Variants in AJM1 observed in about 807,000 individuals in gnomAD.
The protein encoded by AJM1 is apical junction component 1 homolog.
In AJM1, 22 loss-of-function variants were observed where a neutral mutation model predicts 43.0. The observed-to-expected ratio is 0.51, with a 90% CI of 0.37 to 0.73. AJM1 has a LOEUF of 0.73. AJM1 is among the 30% of genes least tolerant of loss of function. The pLI is 0.00. For missense variants in AJM1, 1,305 were observed against 1,343.3 expected, an observed-to-expected ratio of 0.97 and a Z score of 0.45; for synonymous variants, 719 against 638.3, an observed-to-expected ratio of 1.13 and a Z score of -1.91.
Position 136,845,584 on chromosome 9 carries a change from G to C in AJM1, c.1170G>C (p.Arg390=). 1 of 1,587,340 alleles carries C rather than the reference G, an allele frequency of 6.3e-7. No individual in the cohort carries two copies. Among genetic ancestry groups the C allele is most frequent in the East Asian group, 2.3e-5 (1 of 43,686 alleles). ...GRYRERDVLA[R]TYPHPRSSPA... ...ACCGCGAGCGTGACGTCCTGGCTCG[G>C]ACGTACCCGCACCCGCGCAGCAGCC... Residue 390 remains arginine (R), a synonymous_variant, in exon 3 of 3, where the codon CGG becomes CGC. Coordinates refer to ENST00000436881, the MANE Select transcript of AJM1 (RefSeq NM_001080482.5).
At position 136,847,147 on chromosome 9, in the gene AJM1, C is replaced by T; in HGVS notation, c.2733C>T (p.Val911=). Reference sequence around the variant, plus strand: ...AGCGCGAGCTGCGGCTGCGCGGCGTCTTCCTGCGCCACGAGTTCCCGCGCG... The same window carrying T: ...AGCGCGAGCTGCGGCTGCGCGGCGTTTTCCTGCGCCACGAGTTCCCGCGCG... ...HIQRELRLRG[V]FLRHEFPRVY... is the part of the protein sequence containing the mutation. Residue 911 remains valine, a synonymous_variant, in exon 3 of 3, where the codon GTC becomes GTT. Coordinates refer to ENST00000436881, the MANE Select transcript of AJM1 (RefSeq NM_001080482.5). The T allele has an allele frequency of 1.9e-6, 3 of 1,598,942 alleles. No individual in the cohort carries two copies. Among genetic ancestry groups the T allele is most frequent in the South Asian group, 2.2e-5 (2 of 90,692 alleles).
In AJM1 at chr9:136,842,506, C is replaced by A. The variant is rs973848787; in HGVS notation, c.-227C>A. On this transcript the variant is annotated 5_prime_UTR_variant, in exon 1 of 3. Coordinates refer to ENST00000436881, the MANE Select transcript of AJM1 (RefSeq NM_001080482.5). The stretch of plus-strand genomic sequence containing the variant: ...GCTGCCTGGAAGCTTCTGCCCGTGC[C>A]GGGGACGCAGCAGTGCCGGGGACAC... 6.6e-6 allele frequency among the ~76,000 whole-genome samples: 1 copy of A among 152,224 alleles called. No homozygotes were observed. Among genetic ancestry groups the A allele is most frequent in the Non-Finnish European group, 1.5e-5 (1 of 68,022 alleles).
In AJM1 at chr9:136,846,913, C is replaced by G. The variant is rs778698969; in HGVS notation, c.2499C>G (p.Pro833=). 6.9e-7 allele frequency: 1 copy of G among 1,458,864 alleles called. No homozygotes were observed. Among genetic ancestry groups the G allele is most frequent in the Admixed American group, 2.6e-5 (1 of 38,926 alleles). 90.4% of individuals were successfully genotyped at this position (1,458,864 alleles called of 1,614,324 possible). ...GTAPPGTPAL[P]APAPRSHGPT... is the part of the protein sequence containing the mutation. ...CGCCACCGGGGACACCGGCCCTGCC[C>G]GCGCCCGCGCCACGCAGCCACGGGC... Residue 833 remains proline (P), a synonymous_variant, in exon 3 of 3, where the codon CCC becomes CCG. Coordinates refer to ENST00000436881, the MANE Select transcript of AJM1 (RefSeq NM_001080482.5).
At position 136,847,356 on chromosome 9, in the gene AJM1, C is replaced by A; in HGVS notation, c.*11C>A. The A allele has an allele frequency of 6.7e-7, 1 of 1,499,480 alleles. No homozygotes were observed. Among genetic ancestry groups the A allele is most frequent in the Non-Finnish European group, 8.9e-7 (1 of 1,126,230 alleles). The allele number at this position is 1,499,480 out of a possible 1,614,324, so 92.9% of individuals were successfully genotyped here. Reference sequence around the variant, plus strand: ...GACGACATCATGTGAGGCGCCGGGCCCACCAGGCCTAGCCCAGGCGCTGGC... The same window carrying A: ...GACGACATCATGTGAGGCGCCGGGCACACCAGGCCTAGCCCAGGCGCTGGC... On this transcript the variant is annotated 3_prime_UTR_variant, in exon 3 of 3. Coordinates refer to ENST00000436881, the MANE Select transcript of AJM1 (RefSeq NM_001080482.5).
In AJM1 at chr9:136,846,722, C is replaced by T. The variant is rs142653758; in HGVS notation, c.2308C>T (p.Leu770=). 450 of 1,603,734 alleles carry T rather than the reference C, an allele frequency of 2.8e-4. 1 individual carries two copies. The highest frequency in any genetic ancestry group is 4.0e-4 in the Admixed American group (24 of 59,890). The stretch of plus-strand genomic sequence containing the variant: ...GGCCGACAACTTCCTGCGCTTTGGC[C>T]TGGAGGGGCTGCTGCTATCCCCCAC... The part of the protein sequence containing the change: ...GSADNFLRFG[L]EGLLLSPTYL... The change falls in exon 3 of 3, where the codon CTG becomes TTG. Residue 770 remains leucine, a synonymous_variant. Transcript: ENST00000436881.
Position 136,847,646 on chromosome 9 carries a change from C to T in AJM1, c.*301C>T. On this transcript the variant is annotated 3_prime_UTR_variant, in exon 3 of 3. Transcript: ENST00000436881. ...CCTCCTCCCTCTCCCAGCTCGCCCTCGAGGATCCCCAGAAGAAGTCGGTCC... is the reference window on the plus strand; with the variant it reads ...CCTCCTCCCTCTCCCAGCTCGCCCTTGAGGATCCCCAGAAGAAGTCGGTCC... 2.7e-6 allele frequency: 1 copy of T among 372,488 alleles called. No individual in the cohort carries two copies. The highest frequency in any genetic ancestry group is 4.8e-6 in the Non-Finnish European group (1 of 207,778). The allele number at this position is 372,488 out of a possible 1,614,324, so 23.1% of individuals were successfully genotyped here.
rs1848774336 is a variant in AJM1, at chr9:136,846,334, G to A, written c.1920G>A (p.Glu640=). Reference sequence around the variant, plus strand: ...CCCCCGCCTCGGCCGGCAGCGCCGAGGAGCCCGCGGCCCCGGGAGAGGCGG... The same window carrying A: ...CCCCCGCCTCGGCCGGCAGCGCCGAAGAGCCCGCGGCCCCGGGAGAGGCGG... ...RSPPASAGSA[E]EPAAPGEAAD... The change falls in exon 3 of 3, where the codon GAG becomes GAA. Residue 640 remains glutamate (E), a synonymous_variant. Transcript: ENST00000436881. 1 of 1,297,038 alleles carries A rather than the reference G, an allele frequency of 7.7e-7. No individual in the cohort carries two copies. Among genetic ancestry groups the A allele is most frequent in the African/African-American group, 1.5e-5 (1 of 64,536 alleles). The allele number at this position is 1,297,038 out of a possible 1,614,324, so 80.3% of individuals were successfully genotyped here. A position where few individuals can be genotyped will look rare whatever the true frequency, so the allele number is the denominator to read the frequency against.
At chr9:136,843,108 G>A (rs1485382940) in intron 1 of AJM1, among the ~76,000 whole-genome samples, 1 of 151,570 alleles carries the variant, frequency 6.6e-6, no homozygotes, top group Admixed American at 6.6e-5. Context: ...TGCACACCTG[G>A]GACACAGAGG....
Position 136,845,899 on chromosome 9 carries a change from C to T in AJM1, c.1485C>T (p.Asn495=). 6.4e-7 allele frequency: 1 copy of T among 1,558,906 alleles called. No homozygotes were observed. ...PEGRRPPVVV[N]LSTSPRRYAA... ...GCCGGCGCCCGCCCGTCGTCGTGAA[C>T]CTGTCCACCTCTCCCAGACGCTACG... Residue 495 remains asparagine (N), a synonymous_variant, in exon 3 of 3, where the codon AAC becomes AAT. Transcript: ENST00000436881.
chr9:136,845,561 C>G lies in AJM1; in HGVS notation c.1147C>G (p.Arg383Gly). The G allele has an allele frequency of 6.3e-7, 1 of 1,591,570 alleles. No individual in the cohort carries two copies. Among genetic ancestry groups the G allele is most frequent in the Non-Finnish European group, 8.5e-7 (1 of 1,171,246 alleles). The change falls in exon 3 of 3, where the codon CGC (arginine) becomes GGC (glycine). Residue 383 changes from arginine (R) to glycine (G), a missense_variant. Around this residue, in one of 6 missense-constraint regions of AJM1, gnomAD observed 653 missense variants for 549.1 expected, o/e 1.19. Transcript: ENST00000436881. ...TTACACGGAGGACTTCGGAAGGTAC[C>G]GCGAGCGTGACGTCCTGGCTCGGAC... ...PFYTEDFGRY[R>G]ERDVLARTYP...
Position 136,847,024 on chromosome 9 carries a change from G to A in AJM1, c.2610G>A (p.Met870Ile). Residue 870 changes from methionine (M) to isoleucine (I), a missense_variant, in exon 3 of 3, where the codon ATG becomes ATA. Coordinates refer to ENST00000436881, the MANE Select transcript of AJM1 (RefSeq NM_001080482.5). ...PPPARSREPD[M>I]ETLILTPPPG... ...CGGCGCGGAGCCGCGAGCCCGACAT[G>A]GAGACGCTGATCCTGACGCCACCGC... 7.8e-7 allele frequency: 1 copy of A among 1,284,296 alleles called. No individual in the cohort carries two copies. The highest frequency in any genetic ancestry group is 1.0e-6 in the Non-Finnish European group (1 of 965,590). The allele number at this position is 1,284,296 out of a possible 1,614,324, so 79.6% of individuals were successfully genotyped here. A position where few individuals can be genotyped will look rare whatever the true frequency, so the allele number is the denominator to read the frequency against.
rs999467034 is a variant in AJM1 at position 136,845,673 on chromosome 9, C to G, written c.1259C>G (p.Pro420Arg). 15 of 1,576,172 alleles carry G rather than the reference C, an allele frequency of 9.5e-6. No individual in the cohort carries two copies. Among genetic ancestry groups the G allele is most frequent in the African/African-American group, 1.3e-5 (1 of 74,428 alleles). The change falls in exon 3 of 3, where the codon CCC becomes CGC. Residue 420 changes from proline (P) to arginine (R), a missense_variant. Pro to Arg is a moderately radical substitution (Grantham distance 103). Coordinates refer to ENST00000436881, the MANE Select transcript of AJM1 (RefSeq NM_001080482.5). ...CTGCAAGTGGTGCCGCCCTCTGACC[C>G]CGACCCGTTGCTCGCCTCCTGGCAC... ...RTLQVVPPSDPDPLLASWHGG... is the reference protein window; with the variant it reads ...RTLQVVPPSDRDPLLASWHGG...
In AJM1 at chr9:136,842,583, C is replaced by T. The variant is rs1203159065; in HGVS notation, c.-150C>T. ...GCCCACCGGGGCACAGCCAGAGCAG[C>T]ACCCAGGTAAGGGGCTAGGGGCCGA... On this transcript the variant is annotated 5_prime_UTR_variant, in exon 1 of 3. Transcript: ENST00000436881. Among the ~76,000 whole-genome samples the T allele has an allele frequency of 1.3e-5, 2 of 152,360 alleles. No individual in the cohort carries two copies. The highest frequency in any genetic ancestry group is 3.9e-4 in the East Asian group (2 of 5,188).
Position 136,846,635 on chromosome 9 carries a change from C to T in AJM1, c.2221C>T (p.Arg741Cys), listed in dbSNP as rs1385269343. Residue 741 changes from arginine (R) to cysteine (C), a missense_variant, in exon 3 of 3, where the codon CGT becomes TGT. This residue lies in a region of AJM1 where 391 missense variants were observed against 507.5 expected (regional missense o/e 0.77). Coordinates refer to ENST00000436881, the MANE Select transcript of AJM1 (RefSeq NM_001080482.5). ...PVHRAFSRIA[R>C]VGFLSRGRGV... Reference sequence around the variant, plus strand: ...GCACCGCGCTTTCTCGCGCATCGCGCGTGTCGGCTTCCTGTCGCGCGGCCG... The same window carrying T: ...GCACCGCGCTTTCTCGCGCATCGCGTGTGTCGGCTTCCTGTCGCGCGGCCG... 5 of 1,597,180 alleles carry T rather than the reference C, an allele frequency of 3.1e-6. No homozygotes were observed. The highest frequency in any genetic ancestry group is 4.2e-6 in the Non-Finnish European group (5 of 1,177,168).
In AJM1 at chr9:136,846,385, C is replaced by T. The variant is rs772491008; in HGVS notation, c.1971C>T (p.Ala657=). The T allele has an allele frequency of 1.6e-5, 24 of 1,523,598 alleles. No homozygotes were observed. In the East Asian group the frequency reaches 2.3e-4, roughly 15 times the overall value. 94.4% of individuals were successfully genotyped at this position (1,523,598 alleles called of 1,614,324 possible). A position where few individuals can be genotyped will look rare whatever the true frequency, so the allele number is the denominator to read the frequency against. The stretch of plus-strand genomic sequence containing the variant: ...CCGACGCGTCCCCCGAACCCAGCGC[C>T]GACGAGGACGACCTGATGACCTGCT... ...EAADASPEPS[A]DEDDLMTCSN... The change falls in exon 3 of 3, where the codon GCC becomes GCT. Residue 657 remains alanine, a synonymous_variant. Coordinates refer to ENST00000436881, the MANE Select transcript of AJM1 (RefSeq NM_001080482.5).
rs2131220591 is a variant in AJM1, at chr9:136,848,173, G to T, written c.*828G>T. The T allele has an allele frequency of 6.6e-6, 1 of 152,660 alleles. No homozygotes were observed. The highest frequency in any genetic ancestry group is 2.1e-4 in the South Asian group (1 of 4,838). 9.5% of individuals were successfully genotyped at this position (152,660 alleles called of 1,614,324 possible). On this transcript the variant is annotated 3_prime_UTR_variant, in exon 3 of 3. Coordinates refer to ENST00000436881, the MANE Select transcript of AJM1 (RefSeq NM_001080482.5). ...GAAGGGGCAGGGGACCTGAACAGGG[G>T]AAGCAGAGCACCTGGGCCTGGCCAG...
In AJM1 at chr9:136,846,083, C is replaced by A; in HGVS notation, c.1669C>A (p.Arg557Ser). The change falls in exon 3 of 3, where the codon CGC becomes AGC. Residue 557 changes from arginine (R) to serine (S), a missense_variant. By Grantham distance (110) the Arg-to-Ser change is moderately radical (BLOSUM62 -1). Coordinates refer to ENST00000436881, the MANE Select transcript of AJM1 (RefSeq NM_001080482.5). ...SARAWELPGG[R>S]TRPPPHAAPD... ...CAGGGCCTGGGAGTTGCCCGGGGGC[C>A]GCACGCGGCCACCTCCCCACGCGGC... 6.5e-7 allele frequency: 1 copy of A among 1,530,956 alleles called. No individual in the cohort carries two copies. The highest frequency in any genetic ancestry group is 8.8e-7 in the Non-Finnish European group (1 of 1,142,694). The allele number at this position is 1,530,956 out of a possible 1,614,324, so 94.8% of individuals were successfully genotyped here.
chr9:136,842,922 G>A (rs533113153), intron 1 of AJM1, among the ~76,000 whole-genome samples: 13 of 151,936 alleles, frequency 8.6e-5, no homozygotes, highest in African/African-American at 2.4e-4. Flanking sequence ...TCATCCGGCC[G>A]GATTCCGGCC....
At position 136,845,564 on chromosome 9, in the gene AJM1, G is replaced by A. The variant is rs771857283; in HGVS notation, c.1150G>A (p.Glu384Lys). Reference protein sequence around the residue: ...FYTEDFGRYRERDVLARTYPH... With the variant: ...FYTEDFGRYRKRDVLARTYPH... The stretch of plus-strand genomic sequence containing the variant: ...CACGGAGGACTTCGGAAGGTACCGC[G>A]AGCGTGACGTCCTGGCTCGGACGTA... The change falls in exon 3 of 3, where the codon GAG (glutamate) becomes AAG (lysine). Residue 384 changes from glutamate (E) to lysine (K), a missense_variant. By Grantham distance (56) the Glu-to-Lys change is moderately conservative (BLOSUM62 1). Around this residue, in one of 6 missense-constraint regions of AJM1, gnomAD observed 653 missense variants for 549.1 expected, o/e 1.19. Coordinates refer to ENST00000436881, the MANE Select transcript of AJM1 (RefSeq NM_001080482.5). 1.9e-6 allele frequency: 3 copies of A among 1,590,776 alleles called. No individual in the cohort carries two copies. The highest frequency in any genetic ancestry group is 8.5e-7 in the Non-Finnish European group (1 of 1,171,078).
Sources: allele counts gnomAD v4.1 joint callset (sites outside exome capture counted in the v4.1 genomes callset), GRCh38; gene constraint gnomAD v4.1.1; regional missense constraint gnomAD v4.1.1; transcripts MANE v1.5; gene names NCBI Gene and HGNC (gene_info 2026-07-23, HGNC 2026-07-21).